Variants in GALNT18 observed in about 807,000 individuals in gnomAD.
The protein encoded by GALNT18 is GalNAc-transferase 18.
Under a neutral mutation model 69.5 loss-of-function variants are expected in GALNT18, and 44 were observed. The observed-to-expected ratio is 0.63, with a 90% CI of 0.50 to 0.81. The LOEUF (loss-of-function observed/expected upper bound fraction) is 0.81. Among genes scored for constraint, GALNT18 ranks in the 40% least tolerant of loss-of-function variants. The pLI is 0.00. For missense variants in GALNT18, 715 were observed against 810.0 expected, an observed-to-expected ratio of 0.88 and a Z score of 1.42; for synonymous variants, 364 against 318.2, an observed-to-expected ratio of 1.14 and a Z score of -1.53.
intron 1 of GALNT18, among the ~76,000 whole-genome samples, chr11:11,508,846 T>A (rs1173444675): frequency 6.6e-6 from 1 of 152,208 alleles, no homozygotes; most frequent in East Asian, 1.9e-4. Flanking sequence ...TCACTGTAGA[T>A]ACTCTTAAAT....
At chr11:11,471,012 T>G (rs140706008) in intron 1 of GALNT18, among the ~76,000 whole-genome samples, 3 of 152,210 alleles carry the variant, frequency 2.0e-5, no homozygotes, top group Non-Finnish European at 4.4e-5. Flanking sequence ...TGTATCTTCC[T>G]TCCCTGCCTT....
At position 11,271,164 on chromosome 11, in the gene GALNT18, G is replaced by C; in HGVS notation, c.1804C>G (p.Leu602Val). 6.2e-7 allele frequency: 1 copy of C among 1,613,566 alleles called. No individual in the cohort carries two copies. The highest frequency in any genetic ancestry group is 8.5e-7 in the Non-Finnish European group (1 of 1,179,530). The change falls in exon 11 of 11, where the codon CTG becomes GTG. Residue 602 changes from leucine (L) to valine (V), a missense_variant. Transcript: ENST00000227756. ...GTGGGTCAGGACGCGAGGCTCCTCA[G>C]GACGTTGGTGATGCTCCAGTGCTGG... ...SGQHWSITNVLRSLAS is the reference protein window; with the variant it reads ...SGQHWSITNVVRSLAS
At chr11:11,560,135 A>AATAGAATGAGATATGGTGGGATGGGGTG (rs1590099923) in intron 1 of GALNT18, among the ~76,000 whole-genome samples, 1 of 2,968 alleles carries the variant, frequency 3.4e-4, no homozygotes, top group Non-Finnish European at 8.5e-4. Flanking sequence ...GGGATGGGAT[A>AATAGAATGAGATATGGTGGGATGGGGTG]GAATAGAATG....
Position 11,432,718 on chromosome 11 carries a change from C to G in GALNT18, c.498G>C (p.Ala166=). The G allele has an allele frequency of 6.2e-7, 1 of 1,614,022 alleles. No individual in the cohort carries two copies. The highest frequency in any genetic ancestry group is 8.5e-7 in the Non-Finnish European group (1 of 1,179,980). Residue 166 remains alanine (A), a synonymous_variant, in exon 3 of 11, where the codon GCG becomes GCC. Transcript: ENST00000227756. The surrounding 1 kb of genome is among the most constrained non-coding windows in gnomAD (Gnocchi z 5.8). Reference sequence around the variant, plus strand: ...GGATGGAGCGCAGCAGCACTGAAAGCGCTTCATTGACGAAGATGAACACGA... The same window carrying G: ...GGATGGAGCGCAGCAGCACTGAAAGGGCTTCATTGACGAAGATGAACACGA... ...VSIVFIFVNE[A]LSVLLRSIHS... is the part of the protein sequence containing the mutation.
At chr11:11,410,273 T>A (rs1854697731) in intron 3 of GALNT18, among the ~76,000 whole-genome samples, 1 of 152,134 alleles carries the variant, frequency 6.6e-6, no homozygotes, top group Non-Finnish European at 1.5e-5. Context: ...GGCAGCTTCC[T>A]TGCATCCTGC....
chr11:11,388,840 C>G (rs1428322310), intron 3 of GALNT18, among the ~76,000 whole-genome samples: 6 of 152,230 alleles, frequency 3.9e-5, no homozygotes, highest in African/African-American at 1.4e-4. Context: ...AGCCTCACCT[C>G]GTTACCACCC....
chr11:11,486,782 G>A (rs912478879), intron 1 of GALNT18, among the ~76,000 whole-genome samples: 1 of 152,180 alleles, frequency 6.6e-6, no homozygotes, highest in African/African-American at 2.4e-5. Context: ...GACCAGTCCC[G>A]GGATGGCTTT....
At chr11:11,569,086 C>A (rs1490974478) in intron 1 of GALNT18, among the ~76,000 whole-genome samples, 1 of 152,122 alleles carries the variant, frequency 6.6e-6, no homozygotes, top group Admixed American at 6.5e-5. Flanking sequence ...CACTTCCTTG[C>A]CATTGTAGTC....
chr11:11,573,937 G>A lies in GALNT18; in HGVS notation c.235+47422C>T, dbSNP rs1858858717. On this transcript the variant is annotated intron_variant, in intron 1 of 10. Coordinates refer to ENST00000227756, the MANE Select transcript of GALNT18 (RefSeq NM_198516.3). This position sits in a 1 kb window ranked among gnomAD's most constrained non-coding sequence, Gnocchi z 4.6. Reference sequence around the variant, plus strand: ...ATTCTATCAACATCTCATTATAGAAGGCAGAGTTCAGAGAAATTAGGATGG... The same window carrying A: ...ATTCTATCAACATCTCATTATAGAAAGCAGAGTTCAGAGAAATTAGGATGG... Among the ~76,000 whole-genome samples, 1 of 152,100 alleles carries A rather than the reference G, an allele frequency of 6.6e-6. No individual in the cohort carries two copies. The highest frequency in any genetic ancestry group is 2.1e-4 in the South Asian group (1 of 4,826).
At chr11:11,284,908 G>GTTTTTTTCTTTTTTTTTTTT (rs1849162154) in intron 10 of GALNT18, among the ~76,000 whole-genome samples, 1 of 82,822 alleles carries the variant, frequency 1.2e-5, no homozygotes, top group Non-Finnish European at 2.1e-5. Flanking sequence ...AGACTTTCGT[G>GTTTTTTTCTTTTTTTTTTTT]TTTTTTTTTT....
chr11:11,541,690 C>T lies in GALNT18; in HGVS notation c.235+79669G>A, dbSNP rs996616617. Among the ~76,000 whole-genome samples, 1 of 152,130 alleles carries T rather than the reference C, an allele frequency of 6.6e-6. No individual in the cohort carries two copies. Among genetic ancestry groups the T allele is most frequent in the African/African-American group, 2.4e-5 (1 of 41,410 alleles). On this transcript the variant is annotated intron_variant, in intron 1 of 10. Transcript: ENST00000227756. The surrounding 1 kb of genome is among the most constrained non-coding windows in gnomAD (Gnocchi z 4.8). ...ATGCTAGTAAGGCCCCCTTCCCAGC[C>T]CCCACACCTCTATTGCCCCAAAGCG...
rs960977250 is a variant in GALNT18 at position 11,469,004 on chromosome 11, T to C, written c.236-20068A>G. On this transcript the variant is annotated intron_variant, in intron 1 of 10. Coordinates refer to ENST00000227756, the MANE Select transcript of GALNT18 (RefSeq NM_198516.3). This position sits in a 1 kb window ranked among gnomAD's most constrained non-coding sequence, Gnocchi z 4.2. ...ACAGATGGACAGTCCTATAGACAGA[T>C]GGCCATACAGCGGTTGCCAGGGTTT... Among the ~76,000 whole-genome samples the C allele has an allele frequency of 2.6e-5, 4 of 152,158 alleles. No homozygotes were observed. The highest frequency in any genetic ancestry group is 5.9e-5 in the Non-Finnish European group (4 of 68,038).
At chr11:11,569,086 C>T (rs1490974478) in intron 1 of GALNT18, among the ~76,000 whole-genome samples, 1 of 152,122 alleles carries the variant, frequency 6.6e-6, no homozygotes, top group Non-Finnish European at 1.5e-5. Context: ...CACTTCCTTG[C>T]CATTGTAGTC....
chr11:11,462,501 C>CA (rs552275433), intron 1 of GALNT18, among the ~76,000 whole-genome samples: 44 of 152,018 alleles, frequency 2.9e-4, no homozygotes, highest in Admixed American at 1.9e-3. Flanking sequence ...CCATGTTGGC[C>CA]AGGCTGGTCT....
intron 10 of GALNT18, among the ~76,000 whole-genome samples, chr11:11,278,283 CTT>C (rs997366856): frequency 1.3e-5 from 2 of 148,948 alleles, no homozygotes; most frequent in African/African-American, 4.9e-5. Context: ...ATATCCAGGA[CTT>C]GAACTCAGCT....
rs1850536344 is a variant in GALNT18 at position 11,356,736 on chromosome 11, C to T, written c.1093-15732G>A. On this transcript the variant is annotated intron_variant, in intron 6 of 10. Coordinates refer to ENST00000227756, the MANE Select transcript of GALNT18 (RefSeq NM_198516.3). The surrounding 1 kb of genome is among the most constrained non-coding windows in gnomAD (Gnocchi z 4.4). The stretch of plus-strand genomic sequence containing the variant: ...TTTTATACAGCTCCCTCATTGAATG[C>T]AATTGAAAAAACCAAAGTGTGAAGA... 6.6e-6 allele frequency among the ~76,000 whole-genome samples: 1 copy of T among 152,158 alleles called. No homozygotes were observed. The highest frequency in any genetic ancestry group is 6.5e-5 in the Admixed American group (1 of 15,280).
At chr11:11,352,293 T>C (rs547913567) in intron 6 of GALNT18, 2 of 1,613,998 alleles carry the variant, frequency 1.2e-6, no homozygotes, top group Non-Finnish European at 1.7e-6. Flanking sequence ...CTTTCGAGAG[T>C]GTCTGCCCAA....
chr11:11,514,176 A>G (rs936200280), intron 1 of GALNT18, among the ~76,000 whole-genome samples: 5 of 152,386 alleles, frequency 3.3e-5, no homozygotes, highest in Middle Eastern at 6.8e-3. Flanking sequence ...GCTCAGAAAC[A>G]TGAAGTCACT....
rs61001797 is a variant in GALNT18 at position 11,497,327 on chromosome 11, AACACAC to A, written c.236-48397_236-48392del. On this transcript the variant is annotated intron_variant, in intron 1 of 10. Coordinates refer to ENST00000227756, the MANE Select transcript of GALNT18 (RefSeq NM_198516.3). This position sits in a 1 kb window ranked among gnomAD's most constrained non-coding sequence, Gnocchi z 4.2. ...TATTTATGTTTTACCTCCTGTCTCC[AACACAC>A]ACACACACACACACACACACACACA... 9.2e-3 allele frequency among the ~76,000 whole-genome samples: 1,218 copies of A among 132,310 alleles called. 7 individuals carry two copies. The highest frequency in any genetic ancestry group is 0.017 in the Middle Eastern group (4 of 232). The allele number at this position is 132,310 out of a possible 152,430, so 86.8% of individuals were successfully genotyped here. A position where few individuals can be genotyped will look rare whatever the true frequency, so the allele number is the denominator to read the frequency against.
Sources: allele counts gnomAD v4.1 joint callset (sites outside exome capture counted in the v4.1 genomes callset), GRCh38; gene constraint gnomAD v4.1.1; non-coding constraint Gnocchi (gnomAD v3.1); transcripts MANE v1.5; gene names NCBI Gene and HGNC (gene_info 2026-07-23, HGNC 2026-07-21).